Variants in TMEM178B observed in about 807,000 individuals in gnomAD.
TMEM178B encodes transmembrane protein 178B.
In TMEM178B, 5 loss-of-function variants were observed where a neutral mutation model predicts 31.0. That is an observed-to-expected ratio of 0.16 (90% CI 0.08 to 0.34). TMEM178B has a LOEUF of 0.34. Among genes scored for constraint, TMEM178B ranks in the 10% least tolerant of loss-of-function variants. The pLI is 1.00. For missense variants in TMEM178B, 275 were observed against 400.3 expected, an observed-to-expected ratio of 0.69 and a Z score of 2.67; for synonymous variants, 164 against 164.0, an observed-to-expected ratio of 1.00 and a Z score of 0.00.
chr7:141,304,492 C>A (rs1039662226), intron 2 of TMEM178B, among the ~76,000 whole-genome samples: 1 of 152,184 alleles, frequency 6.6e-6, no homozygotes, highest in African/African-American at 2.4e-5. Flanking sequence ...GCTGCCTTCT[C>A]TTCTCTTGCA....
intron 2 of TMEM178B, among the ~76,000 whole-genome samples, chr7:141,423,815 T>G (rs184643826): frequency 2.0e-5 from 3 of 149,270 alleles, no homozygotes; most frequent in East Asian, 2.0e-4. Flanking sequence ...GTTTTTTTTT[T>G]TTTTTTTTTT....
At chr7:141,215,063 G>A (rs1038363427) in intron 2 of TMEM178B, among the ~76,000 whole-genome samples, 1 of 152,124 alleles carries the variant, frequency 6.6e-6, no homozygotes, top group Non-Finnish European at 1.5e-5. Context: ...AGTGTAATTG[G>A]GAATGCTGGC....
In TMEM178B at chr7:141,474,106, C is replaced by T. The variant is rs1367088449; in HGVS notation, c.*3320C>T. 6.6e-6 allele frequency: 1 copy of T among 152,198 alleles called. No individual in the cohort carries two copies. The highest frequency in any genetic ancestry group is 1.9e-4 in the East Asian group (1 of 5,202). 9.4% of individuals were successfully genotyped at this position (152,198 alleles called of 1,614,324 possible). On this transcript the variant is annotated 3_prime_UTR_variant, in exon 4 of 4. Transcript: ENST00000565468. ...TTCAAACTTCTTACTGGCATATGAA[C>T]ATGTATGTGCTTTGAGCTCCATGCA...
At chr7:141,348,663 A>C (rs1407457443) in intron 2 of TMEM178B, among the ~76,000 whole-genome samples, 1 of 152,252 alleles carries the variant, frequency 6.6e-6, no homozygotes, top group African/African-American at 2.4e-5. Context: ...AAGCTAATGA[A>C]ACCTTAACTA....
intron 2 of TMEM178B, among the ~76,000 whole-genome samples, chr7:141,361,173 C>T (rs898356415): frequency 6.6e-6 from 1 of 152,192 alleles, no homozygotes; most frequent in Non-Finnish European, 1.5e-5. Context: ...GTCTCAAACA[C>T]TGGCTTGGGA....
At chr7:141,370,117 G>A (rs1800088799) in intron 2 of TMEM178B, among the ~76,000 whole-genome samples, 1 of 61,914 alleles carries the variant, frequency 1.6e-5, no homozygotes, top group African/African-American at 7.0e-5. Context: ...AACCCCCCAA[G>A]TGTGTGTGAC....
intron 1 of TMEM178B, among the ~76,000 whole-genome samples, chr7:141,145,140 C>A (rs1795831244): frequency 6.6e-6 from 1 of 152,190 alleles, no homozygotes; most frequent in Admixed American, 6.5e-5. Context: ...AGCATAAATA[C>A]CTACATCCTA....
chr7:141,384,062 G>T (rs1365887189), intron 2 of TMEM178B, among the ~76,000 whole-genome samples: 1 of 152,148 alleles, frequency 6.6e-6, no homozygotes, highest in Admixed American at 6.6e-5. Flanking sequence ...TTTTGATGGG[G>T]TTGTTTGTTT....
At chr7:141,129,627 A>G (rs1257971660) in intron 1 of TMEM178B, among the ~76,000 whole-genome samples, 1 of 152,198 alleles carries the variant, frequency 6.6e-6, no homozygotes, top group East Asian at 1.9e-4. Flanking sequence ...TTGTTGATGA[A>G]AAGAGTCAAA....
intron 2 of TMEM178B, among the ~76,000 whole-genome samples, chr7:141,406,004 G>C (rs1217290658): frequency 6.6e-6 from 1 of 152,140 alleles, no homozygotes; most frequent in Non-Finnish European, 1.5e-5. Flanking sequence ...TTTTTTATCT[G>C]TTTTCCTAAA....
intron 2 of TMEM178B, among the ~76,000 whole-genome samples, chr7:141,325,411 A>G (rs1799172228): frequency 6.6e-6 from 1 of 152,090 alleles, no homozygotes; most frequent in African/African-American, 2.4e-5. Context: ...CTGTCACCCC[A>G]GGAGCTGCCT....
chr7:141,408,814 A>T (rs1725166423), intron 2 of TMEM178B, among the ~76,000 whole-genome samples: 1 of 152,226 alleles, frequency 6.6e-6, no homozygotes, highest in South Asian at 2.1e-4. Context: ...TGAAAGTCCC[A>T]GACGTGTCAA....
intron 1 of TMEM178B, among the ~76,000 whole-genome samples, chr7:141,145,922 G>T (rs576401108): frequency 3.3e-5 from 5 of 152,278 alleles, no homozygotes; most frequent in African/African-American, 1.2e-4. Flanking sequence ...GTTTGCAATT[G>T]TTCATCTAAT....
At chr7:141,290,477 A>G (rs1798526341) in intron 2 of TMEM178B, among the ~76,000 whole-genome samples, 1 of 151,752 alleles carries the variant, frequency 6.6e-6, no homozygotes, top group Non-Finnish European at 1.5e-5. Flanking sequence ...TTACATCCTA[A>G]TTCTCCAACC....
At chr7:141,425,440 C>G (rs1801295254) in intron 2 of TMEM178B, among the ~76,000 whole-genome samples, 1 of 152,128 alleles carries the variant, frequency 6.6e-6, no homozygotes, top group Non-Finnish European at 1.5e-5. Context: ...GCAGATTGTA[C>G]CAACCTAGTT....
intron 2 of TMEM178B, among the ~76,000 whole-genome samples, chr7:141,307,449 G>A (rs988439290): frequency 6.6e-6 from 1 of 152,198 alleles, no homozygotes. Context: ...CTCACTTGCT[G>A]GGTCCCCTAC....
chr7:141,098,544 A>T (rs55949610), intron 1 of TMEM178B, among the ~76,000 whole-genome samples: 2 of 152,058 alleles, frequency 1.3e-5, no homozygotes, highest in Admixed American at 6.5e-5. Context: ...TCAGCTTTAC[A>T]GTTTACTATC....
intron 2 of TMEM178B, among the ~76,000 whole-genome samples, chr7:141,246,108 A>C (rs895926787): frequency 3.3e-5 from 5 of 152,064 alleles, no homozygotes; most frequent in Non-Finnish European, 4.4e-5. Flanking sequence ...TTTTTGTTCA[A>C]ATTTGTTTCT....
In TMEM178B at chr7:141,116,530, T is replaced by A. The variant is rs543966303; in HGVS notation, c.382+41838T>A. 3.8e-3 allele frequency among the ~76,000 whole-genome samples: 574 copies of A among 152,184 alleles called. 1 individual carries two copies. The highest frequency in any genetic ancestry group is 0.01 in the Middle Eastern group (3 of 294). On this transcript the variant is annotated intron_variant, in intron 1 of 3. Transcript: ENST00000565468. ...ATGAACTTGGAGACTTTTTTTTTTT[T>A]AAATACTTTAAGTTCTGGGATACAT...
Sources: allele counts gnomAD v4.1 joint callset (sites outside exome capture counted in the v4.1 genomes callset), GRCh38; gene constraint gnomAD v4.1.1; transcripts MANE v1.5; gene names NCBI Gene and HGNC (gene_info 2026-07-23, HGNC 2026-07-21).